RSBN1: variants seen among roughly 807,000 people sequenced by gnomAD.
RSBN1 encodes the protein lysine-specific demethylase 9.
In RSBN1, 23 loss-of-function variants were observed where a neutral mutation model predicts 74.8. That is an observed-to-expected ratio of 0.31 (90% CI 0.22 to 0.44). The LOEUF is 0.44. Ranked by LOEUF, RSBN1 falls within the 20% of genes least tolerant of loss-of-function variation. The probability of loss-of-function intolerance (pLI) is 1.00; values close to 1 mark genes in which losing one functional copy is unlikely to be tolerated. For missense variants in RSBN1, 808 were observed against 1,020.9 expected (o/e 0.79, Z 2.84); for synonymous variants, 407 against 379.6 (o/e 1.07, Z -0.84).
rs147979877 is a variant in RSBN1, at chr1:113,771,101, A to C, written c.1659-2712T>G. Among the ~76,000 whole-genome samples the C allele has an allele frequency of 7.3e-4, 111 of 152,234 alleles. 1 individual carries two copies. The East Asian group carries it at 0.019, about 26-fold the overall frequency. On this transcript the variant is annotated intron_variant, in intron 4 of 6. Coordinates refer to ENST00000261441, the MANE Select transcript of RSBN1 (RefSeq NM_018364.5). ...CATATTGTGAAATTTCAGACTGCTG[A>C]TGATAGAGGATGCTATAAGCTTGCA...
chr1:113,763,416 G>A lies in RSBN1; in HGVS notation c.*2564C>T, dbSNP rs973247209. On this transcript the variant is annotated 3_prime_UTR_variant, in exon 7 of 7. Transcript: ENST00000261441. ...TCACTACTTTAACAAATCAGAAGAC[G>A]CCAGATTGCTCCATGCCTCACTCCA... 6.6e-6 allele frequency: 1 copy of A among 152,570 alleles called. No individual in the cohort carries two copies. The highest frequency in any genetic ancestry group is 2.4e-5 in the African/African-American group (1 of 41,418). The allele number at this position is 152,570 out of a possible 1,614,324, so 9.5% of individuals were successfully genotyped here. A position where few individuals can be genotyped will look rare whatever the true frequency, so the allele number is the denominator to read the frequency against.
Position 113,812,384 on chromosome 1 carries a change from T to C in RSBN1, c.29A>G (p.Asp10Gly). 6.2e-7 allele frequency: 1 copy of C among 1,601,668 alleles called. No individual in the cohort carries two copies. The highest frequency in any genetic ancestry group is 8.5e-7 in the Non-Finnish European group (1 of 1,179,008). MFISGRRTA[D>G]KWRAEERLQC... ...GAGTCTCTCCTCCGCCCTCCACTTG[T>C]CGGCCGTTCTTCGTCCAGAGATGAA... Residue 10 changes from aspartate (D) to glycine (G), a missense_variant, in exon 1 of 7, where the codon GAC becomes GGC. Transcript: ENST00000261441.
Position 113,797,896 on chromosome 1 carries a change from A to G in RSBN1, c.844T>C (p.Cys282Arg), listed in dbSNP as rs746434005. Residue 282 changes from cysteine to arginine, a missense_variant, in exon 2 of 7, where the codon TGT becomes CGT. By Grantham distance (180) the Cys-to-Arg change is radical. Transcript: ENST00000261441. The stretch of plus-strand genomic sequence containing the variant: ...TTACTGATGCGGGTCAGGCCAGCAC[A>G]GACGGTTTGTACTTCCTTATTGTAC... ...KMYNKEVQTV[C>R]AGLTRISKEI... 5 of 1,613,404 alleles carry G rather than the reference A, an allele frequency of 3.1e-6. No homozygotes were observed. The highest frequency in any genetic ancestry group is 4.2e-6 in the Non-Finnish European group (5 of 1,179,908).
At chr1:113,786,047 A>G (rs1660236881) in intron 2 of RSBN1, among the ~76,000 whole-genome samples, 1 of 152,216 alleles carries the variant, frequency 6.6e-6, no homozygotes, top group Non-Finnish European at 1.5e-5. Context: ...AATATGCCAA[A>G]TAAGAAATGT....
At chr1:113,768,918 G>GA (rs577417893) in intron 4 of RSBN1, among the ~76,000 whole-genome samples, 20 of 146,680 alleles carry the variant, frequency 1.4e-4, no homozygotes, top group East Asian at 4.0e-4. Context: ...ACCTTTTTGT[G>GA]AAAAAAAAAA....
At chr1:113,807,912 A>C (rs1046386451) in intron 1 of RSBN1, among the ~76,000 whole-genome samples, 3 of 152,078 alleles carry the variant, frequency 2.0e-5, no homozygotes, top group Non-Finnish European at 4.4e-5. Context: ...ATATGAAAAG[A>C]TGTGTATTAT....
intron 4 of RSBN1, 130 bp downstream of exon 4, chr1:113,777,077 GAAA>G (rs1424944413): frequency 1.4e-6 from 1 of 733,688 alleles, no homozygotes; most frequent in Non-Finnish European, 2.2e-6. Flanking sequence ...TGATTGGACT[GAAA>G]AGAGGAACCG....
intron 1 of RSBN1, among the ~76,000 whole-genome samples, chr1:113,800,511 T>C (rs1013681838): frequency 6.6e-6 from 1 of 152,168 alleles, no homozygotes; most frequent in Non-Finnish European, 1.5e-5. Flanking sequence ...GTTAGACCAA[T>C]TTAAAAATAG....
intron 1 of RSBN1, among the ~76,000 whole-genome samples, chr1:113,807,039 G>A (rs370604049): frequency 7.3e-5 from 11 of 151,572 alleles, no homozygotes; most frequent in South Asian, 4.2e-4. Flanking sequence ...CAGGCTGGGC[G>A]TGGTGGCTCA....
intron 1 of RSBN1, among the ~76,000 whole-genome samples, chr1:113,800,776 T>C (rs1428100478): frequency 6.6e-6 from 1 of 151,880 alleles, no homozygotes; most frequent in East Asian, 1.9e-4. Flanking sequence ...GTTTCACTTA[T>C]ACGAGTTTCA....
intron 1 of RSBN1, 121 bp from the exon 2 acceptor site, chr1:113,798,157 T>G (rs1418812764): frequency 1.3e-6 from 1 of 797,352 alleles, no homozygotes; most frequent in Non-Finnish European, 2.0e-6. Flanking sequence ...CTATTACAAC[T>G]TACGTGTTTA....
At chr1:113,771,808 C>T (rs1047715590) in intron 4 of RSBN1, among the ~76,000 whole-genome samples, 4 of 108,338 alleles carry the variant, frequency 3.7e-5, no homozygotes, top group African/African-American at 1.3e-4. Context: ...ATGTTCCTAC[C>T]TCAAAAAAAA....
At position 113,763,020 on chromosome 1, in the gene RSBN1, A is replaced by T. The variant is rs1044173920; in HGVS notation, c.*2960T>A. The T allele has an allele frequency of 6.5e-6, 1 of 152,756 alleles. No individual in the cohort carries two copies. 9.5% of individuals were successfully genotyped at this position (152,756 alleles called of 1,614,324 possible). A position where few individuals can be genotyped will look rare whatever the true frequency, so the allele number is the denominator to read the frequency against. On this transcript the variant is annotated 3_prime_UTR_variant, in exon 7 of 7. Transcript: ENST00000261441. ...AAAGGTACAATTAAACCTAGGAACCAATTTTTAGAGTTAAAACTTTGGAGG... is the reference window on the plus strand; with the variant it reads ...AAAGGTACAATTAAACCTAGGAACCTATTTTTAGAGTTAAAACTTTGGAGG...
Position 113,764,644 on chromosome 1 carries a change from T to G in RSBN1, c.*1336A>C, listed in dbSNP as rs1553239772. On this transcript the variant is annotated 3_prime_UTR_variant, in exon 7 of 7. Coordinates refer to ENST00000261441, the MANE Select transcript of RSBN1 (RefSeq NM_018364.5). ...TTTTTTTTTTTTGCCTATGTTAATG[T>G]AAATATTTCAAATCTTACCATCCAG... The G allele has an allele frequency of 6.7e-6, 1 of 148,268 alleles. No individual in the cohort carries two copies. The highest frequency in any genetic ancestry group is 1.5e-5 in the Non-Finnish European group (1 of 67,120). The allele number at this position is 148,268 out of a possible 1,614,324, so 9.2% of individuals were successfully genotyped here.
In RSBN1 at chr1:113,762,740, G is replaced by A. The variant is rs1419428008; in HGVS notation, c.*3240C>T. On this transcript the variant is annotated 3_prime_UTR_variant, in exon 7 of 7. Coordinates refer to ENST00000261441, the MANE Select transcript of RSBN1 (RefSeq NM_018364.5). ...TTCTAGACAATTAATATTTATATAG[G>A]GAAAGGCAATAAGCAAGTTTTTTCC... 6.6e-6 allele frequency: 1 copy of A among 152,634 alleles called. No homozygotes were observed. Among genetic ancestry groups the A allele is most frequent in the East Asian group, 1.9e-4 (1 of 5,330 alleles). The allele number at this position is 152,634 out of a possible 1,614,324, so 9.5% of individuals were successfully genotyped here. A position where few individuals can be genotyped will look rare whatever the true frequency, so the allele number is the denominator to read the frequency against.
intron 2 of RSBN1, among the ~76,000 whole-genome samples, chr1:113,780,573 G>C (rs944410817): frequency 2.6e-5 from 4 of 152,194 alleles, no homozygotes; most frequent in Non-Finnish European, 5.9e-5. Flanking sequence ...GACAAAGAAA[G>C]GGTATGACCA....
intron 1 of RSBN1, among the ~76,000 whole-genome samples, chr1:113,803,622 T>C (rs1215328533): frequency 1.3e-5 from 2 of 152,120 alleles, no homozygotes; most frequent in Non-Finnish European, 2.9e-5. Context: ...TAATAAATAC[T>C]CAATACATCA....
intron 1 of RSBN1, among the ~76,000 whole-genome samples, chr1:113,811,133 T>C (rs1300662369): frequency 2.0e-5 from 3 of 152,214 alleles, no homozygotes; most frequent in African/African-American, 7.2e-5. Context: ...ACATGCCTAT[T>C]CTAAGAATTT....
At chr1:113,776,931 T>C (rs570028784) in intron 4 of RSBN1, among the ~76,000 whole-genome samples, 2 of 152,166 alleles carry the variant, frequency 1.3e-5, no homozygotes, top group African/African-American at 2.4e-5. Flanking sequence ...AGAGGTACAG[T>C]TGACCTGATT....
Sources: gnomAD v4.1 joint callset for allele counts (sites outside exome capture counted in the v4.1 genomes callset) on GRCh38, gnomAD v4.1.1 for gene constraint, MANE v1.5 for transcripts, NCBI Gene and HGNC (gene_info 2026-07-23, HGNC 2026-07-21) for gene names.